The following KAZN variants were observed in gnomAD, a reference collection of about 807,000 sequenced individuals.
KAZN encodes the protein kazrin, periplakin interacting protein, also known as kazrin.
Under a neutral mutation model 87.4 loss-of-function variants are expected in KAZN, and 40 were observed. The observed-to-expected ratio is 0.46, with a 90% confidence interval of 0.36 to 0.60. KAZN has a LOEUF of 0.60. Among genes scored for constraint, KAZN ranks in the 20% least tolerant of loss-of-function variants. The pLI, the probability that KAZN is intolerant of heterozygous loss-of-function variation, is 0.00. For missense variants in KAZN, 898 were observed against 1,073.9 expected (o/e 0.84, Z 2.29); for synonymous variants, 466 against 458.3 (o/e 1.02, Z -0.22).
At chr1:14,593,691 A>C (rs1024223063), upstream of KAZN, among the ~76,000 whole-genome samples, 27 of 152,224 alleles carry the variant, frequency 1.8e-4, no homozygotes, top group African/African-American at 6.5e-4. Flanking sequence ...CATATACGCT[A>C]TGAAATAAGT....
intron 1 of KAZN, among the ~76,000 whole-genome samples, chr1:13,900,734 G>T (rs182027224): frequency 6.6e-6 from 1 of 152,236 alleles, no homozygotes; most frequent in East Asian, 1.9e-4. Context: ...GTGACCTTGG[G>T]CAAGTACCTT....
At chr1:14,695,366 T>G (rs140369701) in intron 1 of KAZN, among the ~76,000 whole-genome samples, 1 of 152,044 alleles carries the variant, frequency 6.6e-6, no homozygotes, top group Non-Finnish European at 1.5e-5. Context: ...CCCAACACTC[T>G]TGGACTGTCA....
intron 2 of KAZN, among the ~76,000 whole-genome samples, chr1:14,307,317 T>C (rs555658354): frequency 6.6e-6 from 1 of 152,192 alleles, no homozygotes; most frequent in Non-Finnish European, 1.5e-5. Context: ...TCCTAGACAC[T>C]CAAGAACTGG....
intron 1 of KAZN, among the ~76,000 whole-genome samples, chr1:14,657,240 C>T (rs1447162355): frequency 1.3e-5 from 2 of 152,144 alleles, no homozygotes; most frequent in East Asian, 3.9e-4. Flanking sequence ...TGTGCCACCA[C>T]ACCTGGCTAA....
chr1:14,742,028 A>G (rs144830925), intron 1 of KAZN, among the ~76,000 whole-genome samples: 45 of 152,228 alleles, frequency 3.0e-4, no homozygotes, highest in Middle Eastern at 3.4e-3. Context: ...AAATGGCTAT[A>G]CAGAAAAATA....
chr1:14,510,628 A>C (rs1417991634), intron 2 of KAZN, among the ~76,000 whole-genome samples: 1 of 152,200 alleles, frequency 6.6e-6, no homozygotes, highest in Non-Finnish European at 1.5e-5. Flanking sequence ...GGTCTTAAGC[A>C]GGGAGTGACA....
intron 2 of KAZN, among the ~76,000 whole-genome samples, chr1:14,225,174 A>G (rs1329260150): frequency 6.6e-6 from 1 of 152,190 alleles, no homozygotes; most frequent in East Asian, 1.9e-4. Context: ...AAAAGCTCCT[A>G]GATCTGATAA....
intron 2 of KAZN, among the ~76,000 whole-genome samples, chr1:14,508,458 TATA>T (rs1025851546): frequency 5.9e-5 from 9 of 152,166 alleles, no homozygotes; most frequent in African/African-American, 2.2e-4. Flanking sequence ...AAGTTAAAAA[TATA>T]ATAATAAACT....
chr1:14,560,679 C>T (rs892827128), intron 2 of KAZN, among the ~76,000 whole-genome samples: 6 of 151,878 alleles, frequency 4.0e-5, no homozygotes, highest in Non-Finnish European at 8.8e-5. Flanking sequence ...ACAAGGAGAG[C>T]GTCCATTAAA....
At chr1:14,131,059 G>A (rs559312938) in intron 1 of KAZN, among the ~76,000 whole-genome samples, 9 of 152,264 alleles carry the variant, frequency 5.9e-5, no homozygotes, top group African/African-American at 9.6e-5. Context: ...ACTTACAATC[G>A]TGGCAGAAGG....
chr1:14,175,690 G>C (rs1646058283), intron 1 of KAZN, among the ~76,000 whole-genome samples: 1 of 152,194 alleles, frequency 6.6e-6, no homozygotes, highest in Non-Finnish European at 1.5e-5. Flanking sequence ...AGCAAGGACA[G>C]TAACTCCTGT....
At chr1:14,655,848 A>C (rs936233070) in intron 1 of KAZN, among the ~76,000 whole-genome samples, 3 of 152,188 alleles carry the variant, frequency 2.0e-5, no homozygotes, top group African/African-American at 7.2e-5. Context: ...AAGCGGCCAA[A>C]GAAGGGACCC....
Position 14,630,305 on chromosome 1 carries a change from A to G in KAZN, c.226+31082A>G, listed in dbSNP as rs992437296. The stretch of plus-strand genomic sequence containing the variant: ...AGTTGTTTCCTGTCCCTTCTGTGAA[A>G]GTGTGGATGGTGGGGGGAATTTAAC... On this transcript the variant is annotated intron_variant, in intron 1 of 14. Coordinates refer to ENST00000376030, the MANE Select transcript of KAZN (RefSeq NM_201628.3). Among the ~76,000 whole-genome samples the G allele has an allele frequency of 1.9e-4, 29 of 152,252 alleles. 1 individual carries two copies. Among genetic ancestry groups the G allele is most frequent in the South Asian group, 4.2e-4 (2 of 4,814 alleles).
chr1:14,956,736 G>A (rs544545172), intron 1 of KAZN, among the ~76,000 whole-genome samples: 26 of 152,300 alleles, frequency 1.7e-4, no homozygotes, highest in African/African-American at 6.0e-4. Flanking sequence ...GGGAAGAGGG[G>A]CCCTGGCAGG....
At chr1:14,519,305 CT>C (rs1671458378) in intron 2 of KAZN, among the ~76,000 whole-genome samples, 1 of 152,174 alleles carries the variant, frequency 6.6e-6, no homozygotes, top group Admixed American at 6.5e-5. Flanking sequence ...CAACCCTCTG[CT>C]TTGCTTTAGA....
chr1:14,163,345 G>C (rs1411500102), intron 1 of KAZN, among the ~76,000 whole-genome samples: 1 of 152,198 alleles, frequency 6.6e-6, no homozygotes, highest in Non-Finnish European at 1.5e-5. Context: ...CATTGGCATA[G>C]TTCTGAAGTT....
chr1:14,894,745 G>GATGA (rs751222764), intron 1 of KAZN, among the ~76,000 whole-genome samples: 10 of 152,360 alleles, frequency 6.6e-5, no homozygotes, highest in South Asian at 2.1e-4. Flanking sequence ...TAAGTGAATG[G>GATGA]ATGAATGAAT....
rs986862054 is a variant in KAZN, at chr1:14,598,840, C to T, written c.-158C>T. The T allele has an allele frequency of 7.1e-6, 10 of 1,404,528 alleles. No individual in the cohort carries two copies. The African/African-American group carries it at 1.2e-4, about 17-fold the overall frequency. The allele number at this position is 1,404,528 out of a possible 1,614,324, so 87.0% of individuals were successfully genotyped here. On this transcript the variant is annotated 5_prime_UTR_variant, in exon 1 of 15. Coordinates refer to ENST00000376030, the MANE Select transcript of KAZN (RefSeq NM_201628.3). The surrounding 1 kb of genome is among the most constrained non-coding windows in gnomAD (Gnocchi z 4.2). ...GGAGGCGCCGCTGTCATTCCTGTGC[C>T]GGAGGAACCGGCGCTGCCGGTGCCT...
At chr1:14,901,358 G>A (rs1655863452) in intron 1 of KAZN, among the ~76,000 whole-genome samples, 1 of 152,206 alleles carries the variant, frequency 6.6e-6, no homozygotes, top group South Asian at 2.1e-4. Flanking sequence ...TCGAAAATAA[G>A]AAAGGATGGA....
Sources: allele counts gnomAD v4.1 joint callset (sites outside exome capture counted in the v4.1 genomes callset), GRCh38; gene constraint gnomAD v4.1.1; non-coding constraint Gnocchi (gnomAD v3.1); transcripts MANE v1.5; gene names NCBI Gene and HGNC (gene_info 2026-07-23, HGNC 2026-07-21).